Variants in PTGR2 observed in about 807,000 individuals in gnomAD.
PTGR2 encodes the protein 15-oxoprostaglandin 13-reductase.
Under a neutral mutation model 43.4 loss-of-function variants are expected in PTGR2, and 32 were observed. The ratio of observed to expected loss-of-function variants is 0.74; its 90% CI spans 0.56 to 0.99. PTGR2 has a LOEUF of 0.99. Among genes scored for constraint, PTGR2 ranks in the 50% least tolerant of loss-of-function variants. The probability of loss-of-function intolerance (pLI) is 0.00; values close to 1 mark genes in which losing one functional copy is unlikely to be tolerated. For synonymous variants in PTGR2, 106 were observed against 139.2 expected, an observed-to-expected ratio of 0.76 and a Z score of 1.68; for missense variants, 373 against 420.0, an observed-to-expected ratio of 0.89 and a Z score of 0.98.
At chr14:73,883,548 C>T (rs1284727682) in intron 9 of PTGR2, among the ~76,000 whole-genome samples, 4 of 151,568 alleles carry the variant, frequency 2.6e-5, no homozygotes, top group African/African-American at 4.9e-5. Context: ...TGCAGTGGTG[C>T]GATCATGGCT....
intron 3 of PTGR2, among the ~76,000 whole-genome samples, chr14:73,862,738 G>C (rs967426043): frequency 3.3e-5 from 5 of 152,032 alleles, no homozygotes; most frequent in Non-Finnish European, 7.4e-5. Flanking sequence ...TTTGAAATGA[G>C]ATCTCTATTG....
intron 1 of PTGR2, among the ~76,000 whole-genome samples, chr14:73,856,045 G>A (rs2054337608): frequency 6.6e-6 from 1 of 151,058 alleles, no homozygotes; most frequent in African/African-American, 2.4e-5. Context: ...GACAGAGCAA[G>A]ACTCTGTTTC....
rs2055096120 is a variant in PTGR2 at position 73,885,091 on chromosome 14, A to G, written c.*914A>G. ...GATCACTTGAGGTCAGGAGTTCAAG[A>G]CCAGCCTGGCCAACACGGTGAAACC... is the stretch of plus-strand genomic sequence containing the variant. On this transcript the variant is annotated 3_prime_UTR_variant, in exon 10 of 10. Transcript: ENST00000555661. 1 of 152,198 alleles carries G rather than the reference A, an allele frequency of 6.6e-6. No homozygotes were observed. The highest frequency in any genetic ancestry group is 1.5e-5 in the Non-Finnish European group (1 of 68,062). The allele number at this position is 152,198 out of a possible 1,614,324, so 9.4% of individuals were successfully genotyped here.
Position 73,882,399 on chromosome 14 carries a change from A to T in PTGR2, c.940A>T (p.Ile314Phe). ...SQWFKEGKLK[I>F]KETVINGLEN... is the part of the protein sequence containing the mutation. Reference sequence around the variant, plus strand: ...TAAATCTAGCTATTTTGATTTACAGATTAAAGAGACGGTAATAAATGGGTT... The same window carrying T: ...TAAATCTAGCTATTTTGATTTACAGTTTAAAGAGACGGTAATAAATGGGTT... The change falls in exon 9 of 10, where the codon ATT (isoleucine) becomes TTT (phenylalanine). Residue 314 changes from isoleucine to phenylalanine, a missense_variant and splice_region_variant. Transcript: ENST00000555661. 1 of 1,564,246 alleles carries T rather than the reference A, an allele frequency of 6.4e-7. No individual in the cohort carries two copies. Among genetic ancestry groups the T allele is most frequent in the Non-Finnish European group, 8.8e-7 (1 of 1,135,700 alleles).
At position 73,884,134 on chromosome 14, in the gene PTGR2, T is replaced by C. The variant is rs557445108; in HGVS notation, c.1013T>C (p.Ile338Thr). ...CAGTCCATGATGACAGGAGGTAACA[T>C]TGGAAAGCAGATAGTTTGCATTTCA... is the stretch of plus-strand genomic sequence containing the variant. ...AFQSMMTGGN[I>T]GKQIVCISEE... Residue 338 changes from isoleucine to threonine, a missense_variant, in exon 10 of 10, where the codon ATT becomes ACT. Transcript: ENST00000555661. 5.5e-5 allele frequency: 88 copies of C among 1,608,838 alleles called. No homozygotes were observed. The highest frequency in any genetic ancestry group is 8.4e-5 in the Admixed American group (5 of 59,556).
At chr14:73,871,504 T>C (rs1161614632) in intron 3 of PTGR2, among the ~76,000 whole-genome samples, 2 of 152,090 alleles carry the variant, frequency 1.3e-5, no homozygotes, top group East Asian at 3.8e-4. Flanking sequence ...TGAGGTGCTC[T>C]AGCAAATTAA....
intron 1 of PTGR2, among the ~76,000 whole-genome samples, chr14:73,856,756 G>A (rs565482676): frequency 4.1e-4 from 63 of 152,272 alleles, no homozygotes; most frequent in African/African-American, 1.5e-3. Flanking sequence ...ATACTCTGAT[G>A]TTCACACAAT....
At chr14:73,879,430 A>T in intron 6 of PTGR2, 125 bp downstream of exon 6, 1 of 834,240 alleles carries the variant, frequency 1.2e-6, no homozygotes. Context: ...TGTGATGATC[A>T]GTATTGTATT....
chr14:73,867,103 A>AC (rs1242590197), intron 3 of PTGR2, among the ~76,000 whole-genome samples: 1 of 139,558 alleles, frequency 7.2e-6, no homozygotes, highest in African/African-American at 2.5e-5. Context: ...AAAAAAAAAA[A>AC]AAAAACAAAA....
At chr14:73,870,800 A>G (rs1038136437) in intron 3 of PTGR2, among the ~76,000 whole-genome samples, 7 of 152,146 alleles carry the variant, frequency 4.6e-5, no homozygotes, top group Admixed American at 3.3e-4. Flanking sequence ...GTGACTTTAT[A>G]TGGAAAAACT....
At chr14:73,867,057 C>A (rs1468246812) in intron 3 of PTGR2, among the ~76,000 whole-genome samples, 1 of 146,180 alleles carries the variant, frequency 6.8e-6, no homozygotes, top group Non-Finnish European at 1.5e-5. Flanking sequence ...GCATTGCACT[C>A]CAGCCTGTGT....
At chr14:73,860,122 C>T (rs987725428) in intron 2 of PTGR2, among the ~76,000 whole-genome samples, 2 of 151,888 alleles carry the variant, frequency 1.3e-5, no homozygotes, top group African/African-American at 4.8e-5. Context: ...CCTGGGGTTA[C>T]AGGCATGAGC....
intron 8 of PTGR2, 132 bp from the exon 9 acceptor site, chr14:73,882,267 C>A: frequency 3.1e-6 from 2 of 636,224 alleles, no homozygotes; most frequent in Non-Finnish European, 5.6e-6. Flanking sequence ...TCTGGGCTAC[C>A]TACATGAAAT....
At chr14:73,857,328 C>T (rs938420315) in intron 1 of PTGR2, among the ~76,000 whole-genome samples, 1 of 147,338 alleles carries the variant, frequency 6.8e-6, no homozygotes, top group Admixed American at 6.8e-5. Flanking sequence ...AATTTGGTTA[C>T]GTGGCTGGGC....
chr14:73,868,788 A>C (rs758218527), intron 3 of PTGR2, among the ~76,000 whole-genome samples: 13 of 36,808 alleles, frequency 3.5e-4, no homozygotes, highest in Non-Finnish European at 8.0e-4. Flanking sequence ...CTTCTTCCTT[A>C]AAAAAAAAAA....
At chr14:73,882,348 T>C (rs773762790) in intron 8 of PTGR2, 51 bp from the exon 9 acceptor site, 2 of 1,123,484 alleles carry the variant, frequency 1.8e-6, no homozygotes, top group South Asian at 2.6e-5. Flanking sequence ...AACTATCATA[T>C]AGAAACATTG....
At chr14:73,858,642 GTCTT>G in intron 1 of PTGR2, 170 bp from the exon 2 acceptor site, 1 of 393,888 alleles carries the variant, frequency 2.5e-6, no homozygotes, top group African/African-American at 2.0e-5. Context: ...ACTAGATTTA[GTCTT>G]TCTTCATATA....
At chr14:73,868,078 G>A (rs1363818233) in intron 3 of PTGR2, among the ~76,000 whole-genome samples, 1 of 152,122 alleles carries the variant, frequency 6.6e-6, no homozygotes, top group Admixed American at 6.6e-5. Flanking sequence ...CCTGAGGTCA[G>A]GAGTTTGACA....
intron 3 of PTGR2, among the ~76,000 whole-genome samples, chr14:73,870,818 ATAT>A (rs1163409322): frequency 6.6e-6 from 1 of 152,146 alleles, no homozygotes; most frequent in African/African-American, 2.4e-5. Flanking sequence ...ACTAGTTCAA[ATAT>A]TATTATTTTA....
Sources: allele counts gnomAD v4.1 joint callset (sites outside exome capture counted in the v4.1 genomes callset), GRCh38; gene constraint gnomAD v4.1.1; transcripts MANE v1.5; gene names NCBI Gene and HGNC (gene_info 2026-07-23, HGNC 2026-07-21).